The following ZNF148 variants were observed in gnomAD, a reference collection of about 807,000 sequenced individuals.
ZNF148 encodes zinc finger protein 148.
Under a neutral mutation model 67.7 loss-of-function variants are expected in ZNF148, and 7 were observed. The observed-to-expected ratio is 0.10, with a 90% CI of 0.06 to 0.19. The LOEUF (loss-of-function observed/expected upper bound fraction) is 0.19. Ranked by LOEUF, ZNF148 falls within the 10% of genes least tolerant of loss-of-function variation. ZNF148 has a pLI of 1.00. For synonymous variants in ZNF148, 333 were observed against 330.7 expected (o/e 1.01, Z -0.08); for missense variants, 583 against 947.1 (o/e 0.62, Z 5.05).
chr3:125,251,501 A>G (rs1385921258), intron 7 of ZNF148, among the ~76,000 whole-genome samples: 1 of 152,142 alleles, frequency 6.6e-6, no homozygotes, highest in Non-Finnish European at 1.5e-5. Flanking sequence ...CTGCAGAAGC[A>G]CCTCCACCCC....
At chr3:125,328,194 G>A (rs1941112133) in intron 2 of ZNF148, among the ~76,000 whole-genome samples, 1 of 152,126 alleles carries the variant, frequency 6.6e-6, no homozygotes, top group African/African-American at 2.4e-5. Context: ...ATGTCATTCA[G>A]AGATGCTACA....
chr3:125,365,910 T>G (rs1468730150), intron 1 of ZNF148, among the ~76,000 whole-genome samples: 1 of 152,226 alleles, frequency 6.6e-6, no homozygotes, highest in African/African-American at 2.4e-5. Flanking sequence ...TTCCATATTC[T>G]AATCCTACTG....
At chr3:125,354,422 T>A (rs1942269076) in intron 1 of ZNF148, among the ~76,000 whole-genome samples, 1 of 152,144 alleles carries the variant, frequency 6.6e-6, no homozygotes, top group South Asian at 2.1e-4. Context: ...CTTTAAAAAA[T>A]TAATTTAAAA....
At chr3:125,352,679 A>C (rs1446829364) in intron 1 of ZNF148, among the ~76,000 whole-genome samples, 3 of 151,644 alleles carry the variant, frequency 2.0e-5, no homozygotes, top group Non-Finnish European at 4.4e-5. Flanking sequence ...AAAAAAAAAA[A>C]AGATCTTCTC....
intron 1 of ZNF148, among the ~76,000 whole-genome samples, chr3:125,350,152 T>G (rs1267609344): frequency 1.5e-5 from 1 of 66,518 alleles, no homozygotes; most frequent in African/African-American, 1.0e-4. Flanking sequence ...GAATTGATAA[T>G]GGGTTTTGGT....
chr3:125,360,644 C>G (rs891236766), intron 1 of ZNF148, among the ~76,000 whole-genome samples: 1 of 151,886 alleles, frequency 6.6e-6, no homozygotes, highest in African/African-American at 2.4e-5. Context: ...CATTTCTTAA[C>G]CCACAAATAT....
At chr3:125,368,196 A>G (rs1942759906) in intron 1 of ZNF148, among the ~76,000 whole-genome samples, 1 of 152,248 alleles carries the variant, frequency 6.6e-6, no homozygotes, top group African/African-American at 2.4e-5. Flanking sequence ...GCTCAAGGTA[A>G]TAAAATTATT....
chr3:125,323,537 T>G, intron 2 of ZNF148, 93 bp from the exon 3 acceptor site: 1 of 509,748 alleles, frequency 2.0e-6, no homozygotes, highest in Non-Finnish European at 3.5e-6. Flanking sequence ...AATACTGAAG[T>G]GAAAATTCTT....
At chr3:125,339,251 T>C (rs532564438) in intron 1 of ZNF148, among the ~76,000 whole-genome samples, 9 of 152,348 alleles carry the variant, frequency 5.9e-5, no homozygotes, top group Admixed American at 4.6e-4. Context: ...ATTGGAAAAC[T>C]AGGCAATGTA....
chr3:125,235,439 C>T (rs972017183), intron 7 of ZNF148, among the ~76,000 whole-genome samples: 4 of 152,176 alleles, frequency 2.6e-5, no homozygotes, highest in Non-Finnish European at 4.4e-5. Flanking sequence ...ATTCACGCTG[C>T]TCCTTCGATT....
chr3:125,325,592 A>C (rs1940985266), intron 2 of ZNF148, among the ~76,000 whole-genome samples: 1 of 151,964 alleles, frequency 6.6e-6, no homozygotes, highest in Non-Finnish European at 1.5e-5. Flanking sequence ...CAGCCTCCCG[A>C]GTAGCTGGGA....
intron 2 of ZNF148, among the ~76,000 whole-genome samples, chr3:125,329,808 T>C (rs530232964): frequency 1.3e-5 from 2 of 152,186 alleles, no homozygotes; most frequent in South Asian, 4.1e-4. Context: ...CTATGCAGCA[T>C]AAAGTGAAAA....
At chr3:125,373,292 T>C (rs1245359407) in intron 1 of ZNF148, among the ~76,000 whole-genome samples, 1 of 150,354 alleles carries the variant, frequency 6.7e-6, no homozygotes, top group South Asian at 2.2e-4. Context: ...GGTTTCACCA[T>C]GTTGGCGAGG....
At chr3:125,234,421 G>C in intron 7 of ZNF148, 92 bp from the exon 8 acceptor site, 1 of 902,060 alleles carries the variant, frequency 1.1e-6, no homozygotes, top group South Asian at 1.7e-5. Flanking sequence ...AATGGCTTTT[G>C]AAAGTTGTAA....
chr3:125,313,592 T>C lies in ZNF148; in HGVS notation c.49A>G (p.Ile17Val), dbSNP rs1482275636. Residue 17 changes from isoleucine to valine, a missense_variant, in exon 4 of 9, where the codon ATA becomes GTA. Ile to Val is a conservative substitution (Grantham distance 29). This residue lies in a region of ZNF148 where 150 missense variants were observed against 202.5 expected (regional missense o/e 0.74). Coordinates refer to ENST00000360647, the MANE Select transcript of ZNF148 (RefSeq NM_021964.3). ...LEGLFLKCGG[I>V]DEMQSSRTMV... ...GTCCTGGAAGACTGCATTTCGTCTA[T>C]GCCGCCACATTTAAGAAACAATCCT... 2 of 1,614,040 alleles carry C rather than the reference T, an allele frequency of 1.2e-6. No homozygotes were observed. Among genetic ancestry groups the C allele is most frequent in the Non-Finnish European group, 1.7e-6 (2 of 1,179,976 alleles).
At chr3:125,358,034 C>A (rs545356020) in intron 1 of ZNF148, among the ~76,000 whole-genome samples, 2 of 152,238 alleles carry the variant, frequency 1.3e-5, no homozygotes, top group African/African-American at 2.4e-5. Flanking sequence ...TAAATCGGAC[C>A]GGCGCGGGGA....
intron 4 of ZNF148, among the ~76,000 whole-genome samples, chr3:125,291,273 TG>T (rs1938997693): frequency 4.6e-5 from 7 of 152,140 alleles, no homozygotes; most frequent in Admixed American, 4.6e-4. Context: ...TACAAATAAA[TG>T]AATATAAAAC....
intron 3 of ZNF148, among the ~76,000 whole-genome samples, chr3:125,321,667 G>A (rs1001344450): frequency 2.6e-5 from 4 of 152,010 alleles, no homozygotes; most frequent in Admixed American, 1.3e-4. Flanking sequence ...AACAAGGAGA[G>A]GGGGAGGGAA....
chr3:125,337,796 T>C (rs930911592), intron 1 of ZNF148, among the ~76,000 whole-genome samples: 3 of 152,188 alleles, frequency 2.0e-5, no homozygotes, highest in Non-Finnish European at 4.4e-5. Context: ...ACCATCTTAG[T>C]GGCAAGACAA....
Sources: allele counts gnomAD v4.1 joint callset (sites outside exome capture counted in the v4.1 genomes callset), GRCh38; gene constraint gnomAD v4.1.1; regional missense constraint gnomAD v4.1.1; transcripts MANE v1.5; gene names NCBI Gene and HGNC (gene_info 2026-07-23, HGNC 2026-07-21).